The following LRRC49 variants were observed in gnomAD, a reference collection of about 807,000 sequenced individuals.
LRRC49 encodes leucine-rich repeat-containing protein 49.
In LRRC49, 50 loss-of-function variants were observed where a neutral mutation model predicts 83.3. The ratio of observed to expected loss-of-function variants is 0.60; its 90% CI spans 0.48 to 0.76. LRRC49 has a LOEUF of 0.76. LRRC49 is among the 30% of genes least tolerant of loss of function. LRRC49 has a pLI of 0.00. For synonymous variants in LRRC49, 286 were observed against 283.3 expected, an observed-to-expected ratio of 1.01 and a Z score of -0.10; for missense variants, 704 against 809.1, an observed-to-expected ratio of 0.87 and a Z score of 1.58.
In LRRC49 at chr15:70,879,030, T is replaced by C. The variant is rs764504975; in HGVS notation, c.18+5807T>C. Among the ~76,000 whole-genome samples the C allele has an allele frequency of 2.9e-4, 44 of 152,316 alleles. 1 individual carries two copies. Among genetic ancestry groups the C allele is most frequent in the Non-Finnish European group, 4.3e-4 (29 of 68,006 alleles). On this transcript the variant is annotated intron_variant, in intron 2 of 16. Transcript: ENST00000544974. Reference sequence around the variant, plus strand: ...TGTATAAGATTGGTATTCTTTCTTATGTTGTTTGACAGAATTTGAAAGTAA... The same window carrying C: ...TGTATAAGATTGGTATTCTTTCTTACGTTGTTTGACAGAATTTGAAAGTAA...
At chr15:70,998,851 T>A (rs1395312804) in intron 11 of LRRC49, among the ~76,000 whole-genome samples, 1 of 152,164 alleles carries the variant, frequency 6.6e-6, no homozygotes, top group Non-Finnish European at 1.5e-5. Flanking sequence ...TCCCACAGTT[T>A]TCCTGGTTCT....
chr15:71,010,106 G>T (rs879442305), intron 13 of LRRC49, 114 bp downstream of exon 13: 290 of 580,382 alleles, frequency 5.0e-4, no homozygotes, highest in Non-Finnish European at 6.9e-4. Context: ...AGATATAATG[G>T]TTTTTTTTAA....
intron 2 of LRRC49, among the ~76,000 whole-genome samples, chr15:70,895,326 G>A (rs1357595338): frequency 1.3e-5 from 2 of 151,828 alleles, no homozygotes; most frequent in African/African-American, 4.8e-5. Context: ...TATTATAATA[G>A]GACATTTAAA....
At chr15:70,924,005 C>T (rs1020815109) in intron 7 of LRRC49, among the ~76,000 whole-genome samples, 1 of 151,904 alleles carries the variant, frequency 6.6e-6, no homozygotes, top group South Asian at 2.1e-4. Flanking sequence ...TTGGATTTTG[C>T]CATTTGTCCC....
rs1303392297 is a variant in LRRC49 at position 70,993,054 on chromosome 15, G to A, written c.1169+8797G>A. 2.0e-5 allele frequency among the ~76,000 whole-genome samples: 3 copies of A among 152,192 alleles called. No homozygotes were observed. The South Asian group carries it at 6.2e-4, about 32-fold the overall frequency. ...CCAGCTCGAGCTTGCTGGCTGCTTT[G>A]TTTACCTACTCAAGCCTCAGCAATG... On this transcript the variant is annotated intron_variant, in intron 11 of 15. Transcript: ENST00000260382.
At chr15:70,992,723 T>C (rs1320315410) in intron 11 of LRRC49, among the ~76,000 whole-genome samples, 1 of 152,222 alleles carries the variant, frequency 6.6e-6, no homozygotes, top group Non-Finnish European at 1.5e-5. Flanking sequence ...AAAATGTTGC[T>C]GTCTGATTGT....
At chr15:70,914,317 A>T (rs946430037) in intron 6 of LRRC49, among the ~76,000 whole-genome samples, 1 of 152,318 alleles carries the variant, frequency 6.6e-6, no homozygotes, top group South Asian at 2.1e-4. Flanking sequence ...ACATTAAGTG[A>T]ATGTTTTTTG....
chr15:70,923,192 G>T (rs2035070344), intron 7 of LRRC49, among the ~76,000 whole-genome samples: 2 of 151,818 alleles, frequency 1.3e-5, no homozygotes, highest in South Asian at 4.2e-4. Flanking sequence ...GAAATGTATG[G>T]ATTTTTTATT....
intron 15 of LRRC49, among the ~76,000 whole-genome samples, chr15:71,042,427 C>T (rs189639515): frequency 2.0e-5 from 3 of 152,186 alleles, no homozygotes; most frequent in African/African-American, 7.2e-5. Flanking sequence ...TCTGAAGCCC[C>T]AAAATATTTG....
chr15:71,039,536 A>T (rs1019862210), intron 15 of LRRC49, among the ~76,000 whole-genome samples: 1 of 152,216 alleles, frequency 6.6e-6, no homozygotes, highest in Non-Finnish European at 1.5e-5. Flanking sequence ...CATGTAGCCT[A>T]TGCACATCCT....
At chr15:70,964,743 A>G (rs796449711) in intron 9 of LRRC49, among the ~76,000 whole-genome samples, 11 of 152,270 alleles carry the variant, frequency 7.2e-5, no homozygotes, top group African/African-American at 2.6e-4. Context: ...ACACATTTTA[A>G]TAATCTCAGT....
At chr15:70,864,862 A>AC (rs1177283035) in intron 1 of LRRC49, among the ~76,000 whole-genome samples, 1 of 152,176 alleles carries the variant, frequency 6.6e-6, no homozygotes, top group Admixed American at 6.5e-5. Context: ...TTCATCAGTC[A>AC]TCTGTGTATC....
Position 70,858,619 on chromosome 15 carries a change from A to G in LRRC49, c.-299+5150A>G, listed in dbSNP as rs1483635752. 9 of 526,012 alleles carry G rather than the reference A, an allele frequency of 1.7e-5. No individual in the cohort carries two copies. In the East Asian group the frequency reaches 2.7e-4, roughly 16 times the overall value. The allele number at this position is 526,012 out of a possible 1,614,324, so 32.6% of individuals were successfully genotyped here. A position where few individuals can be genotyped will look rare whatever the true frequency, so the allele number is the denominator to read the frequency against. On this transcript the variant is annotated intron_variant, in intron 1 of 16. Transcript: ENST00000544974. ...ACTTGGTCTCAATTAAAAACAAAAC[A>G]AAACAAACAAAAAAAGGACCAAGAA... is the stretch of plus-strand genomic sequence containing the variant.
intron 3 of LRRC49, among the ~76,000 whole-genome samples, chr15:70,899,677 T>C (rs1048397831): frequency 6.6e-6 from 1 of 152,188 alleles, no homozygotes; most frequent in African/African-American, 2.4e-5. Flanking sequence ...CATTGCCTTA[T>C]AGCTTTTTAA....
chr15:70,974,392 T>G (rs188121574), intron 9 of LRRC49, among the ~76,000 whole-genome samples: 1 of 152,344 alleles, frequency 6.6e-6, no homozygotes, highest in Non-Finnish European at 1.5e-5. Flanking sequence ...TCAAGTATAC[T>G]TACAGAACAT....
chr15:71,021,365 G>A (rs2038990843), intron 14 of LRRC49, among the ~76,000 whole-genome samples: 1 of 152,060 alleles, frequency 6.6e-6, no homozygotes, highest in Admixed American at 6.6e-5. Flanking sequence ...TAATTTCTAT[G>A]GTAACCAAAT....
intron 6 of LRRC49, among the ~76,000 whole-genome samples, chr15:70,915,051 A>G (rs1207929852): frequency 2.0e-5 from 3 of 152,178 alleles, no homozygotes; most frequent in Admixed American, 6.5e-5. Context: ...GCTGTGAAGT[A>G]TATCAATCAA....
At chr15:70,922,168 A>G (rs1250833307) in intron 7 of LRRC49, among the ~76,000 whole-genome samples, 1 of 152,156 alleles carries the variant, frequency 6.6e-6, no homozygotes, top group Non-Finnish European at 1.5e-5. Flanking sequence ...CAGCAGTCCT[A>G]CTGTTGGGTA....
chr15:70,937,435 C>G (rs896806051), intron 8 of LRRC49, among the ~76,000 whole-genome samples: 5 of 152,124 alleles, frequency 3.3e-5, no homozygotes, highest in Non-Finnish European at 5.9e-5. Context: ...CAAAAGGGCC[C>G]CTACTTTTTC....
Sources: allele counts gnomAD v4.1 joint callset (sites outside exome capture counted in the v4.1 genomes callset), GRCh38; gene constraint gnomAD v4.1.1; transcripts MANE v1.5; gene names NCBI Gene and HGNC (gene_info 2026-07-23, HGNC 2026-07-21).